TNFAIP8L1: variants seen among roughly 807,000 people sequenced by gnomAD.
The protein encoded by TNFAIP8L1 is tumor necrosis factor alpha-induced protein 8-like protein 1.
For missense variants in TNFAIP8L1, 225 were observed against 266.1 expected (o/e 0.85, Z 1.08); for synonymous variants, 127 against 125.6 (o/e 1.01, Z -0.08).
Position 4,654,341 on chromosome 19 carries a change from A to G in TNFAIP8L1, c.*1911A>G, listed in dbSNP as rs531926083. ...GGGGACCCACCTGAGATGTGTGCAC[A>G]TTTTATTTATTTATTGTTTTGAGAC... On this transcript the variant is annotated 3_prime_UTR_variant, in exon 2 of 2. Coordinates refer to ENST00000327473, the MANE Select transcript of TNFAIP8L1 (RefSeq NM_152362.3). 2.6e-5 allele frequency: 4 copies of G among 152,050 alleles called. No individual in the cohort carries two copies. Among genetic ancestry groups the G allele is most frequent in the Non-Finnish European group, 5.9e-5 (4 of 68,002 alleles). 9.4% of individuals were successfully genotyped at this position (152,050 alleles called of 1,614,324 possible). A position where few individuals can be genotyped will look rare whatever the true frequency, so the allele number is the denominator to read the frequency against.
chr19:4,652,620 A>G lies in TNFAIP8L1; in HGVS notation c.*190A>G, dbSNP rs1202675879. ...TCTGTAGCAGCTGTTTCAAACACCA[A>G]TGTCACCTCTCCTCCTGGCCCCCGC... On this transcript the variant is annotated 3_prime_UTR_variant, in exon 2 of 2. Transcript: ENST00000327473. The G allele has an allele frequency of 1.8e-5, 10 of 564,170 alleles. No individual in the cohort carries two copies. The highest frequency in any genetic ancestry group is 8.0e-5 in the African/African-American group (4 of 50,104). 34.9% of individuals were successfully genotyped at this position (564,170 alleles called of 1,614,324 possible). A position where few individuals can be genotyped will look rare whatever the true frequency, so the allele number is the denominator to read the frequency against.
chr19:4,650,030 G>A (rs1419316708), intron 1 of TNFAIP8L1, among the ~76,000 whole-genome samples: 1 of 152,176 alleles, frequency 6.6e-6, no homozygotes, highest in Non-Finnish European at 1.5e-5. Flanking sequence ...AGAGACCGGG[G>A]GCGGGTCTCA....
chr19:4,642,818 C>T (rs967589706), intron 1 of TNFAIP8L1, among the ~76,000 whole-genome samples: 4 of 151,886 alleles, frequency 2.6e-5, no homozygotes, highest in Non-Finnish European at 5.9e-5. Flanking sequence ...TGGCTTTGAC[C>T]CCAAGGGAGG....
chr19:4,644,963 C>T (rs932807499), intron 1 of TNFAIP8L1, among the ~76,000 whole-genome samples: 1 of 152,168 alleles, frequency 6.6e-6, no homozygotes, highest in Non-Finnish European at 1.5e-5. Context: ...GGGATGAGGC[C>T]TGGGATCACT....
Position 4,652,766 on chromosome 19 carries a change from T to G in TNFAIP8L1, c.*336T>G. 1 of 299,204 alleles carries G rather than the reference T, an allele frequency of 3.3e-6. No individual in the cohort carries two copies. The highest frequency in any genetic ancestry group is 6.5e-6 in the Non-Finnish European group (1 of 153,732). 18.5% of individuals were successfully genotyped at this position (299,204 alleles called of 1,614,324 possible). The stretch of plus-strand genomic sequence containing the variant: ...AAAGCCAAAAGCTGCTGCCTCCCAC[T>G]TGGATCATGTCGCCTGGGATTTTCA... On this transcript the variant is annotated 3_prime_UTR_variant, in exon 2 of 2. Coordinates refer to ENST00000327473, the MANE Select transcript of TNFAIP8L1 (RefSeq NM_152362.3).
At chr19:4,643,010 G>T (rs147776805) in intron 1 of TNFAIP8L1, among the ~76,000 whole-genome samples, 170 of 152,076 alleles carry the variant, frequency 1.1e-3, no homozygotes, top group Admixed American at 2.0e-3. Context: ...AGGCCAGGCA[G>T]GGTGGCTCAT....
At chr19:4,642,366 G>A (rs1409367900) in intron 1 of TNFAIP8L1, 2 of 151,812 alleles carry the variant, frequency 1.3e-5, no homozygotes, top group Admixed American at 6.6e-5. Flanking sequence ...CTGTAATCCA[G>A]CTACTCAGGA....
intron 1 of TNFAIP8L1, among the ~76,000 whole-genome samples, chr19:4,646,570 C>T (rs897204095): frequency 2.0e-5 from 3 of 152,054 alleles, no homozygotes; most frequent in African/African-American, 7.2e-5. Flanking sequence ...TTCCATTTTC[C>T]CCTCTTCCAG....
Position 4,645,146 on chromosome 19 carries a change from G to A in TNFAIP8L1, c.-4+5517G>A, listed in dbSNP as rs181052367. ...ATGGGACAGGGGTGGGGACGGCAGG[G>A]ACTTGTGACATAATTGCAGCCAGCT... is the stretch of plus-strand genomic sequence containing the variant. On this transcript the variant is annotated intron_variant, in intron 1 of 1. Transcript: ENST00000327473. The surrounding 1 kb of genome is among the most constrained non-coding windows in gnomAD (Gnocchi z 4.1). Among the ~76,000 whole-genome samples, 297 of 152,330 alleles carry A rather than the reference G, an allele frequency of 1.9e-3. 1 individual carries two copies. Among genetic ancestry groups the A allele is most frequent in the Admixed American group, 6.1e-3 (93 of 15,284 alleles).
rs2088398047 is a variant in TNFAIP8L1 at position 4,653,928 on chromosome 19, G to A, written c.*1498G>A. ...ACTGCACTCCAGCTTGGGTGAGAGTGGGACTCTGTCTTAGAAAGAAAAAAA... is the reference window on the plus strand; with the variant it reads ...ACTGCACTCCAGCTTGGGTGAGAGTAGGACTCTGTCTTAGAAAGAAAAAAA... On this transcript the variant is annotated 3_prime_UTR_variant, in exon 2 of 2. Transcript: ENST00000327473. 6.6e-6 allele frequency: 1 copy of A among 151,958 alleles called. No individual in the cohort carries two copies. The highest frequency in any genetic ancestry group is 2.4e-5 in the African/African-American group (1 of 41,332). The allele number at this position is 151,958 out of a possible 1,614,324, so 9.4% of individuals were successfully genotyped here.
At chr19:4,642,061 CCA>C (rs2088265734) in intron 1 of TNFAIP8L1, 1 of 152,168 alleles carries the variant, frequency 6.6e-6, no homozygotes, top group Non-Finnish European at 1.5e-5. Flanking sequence ...GCCTGTAGTC[CCA>C]GCCACTCTGG....
At position 4,639,553 on chromosome 19, in the gene TNFAIP8L1, C is replaced by G. The variant is rs1337634269; in HGVS notation, c.-80C>G. ...GGCTCCGGCGCTGCTCCCACCGCCGCGGCAACGGCCCCGGCCCACGGAGGC... is the reference window on the plus strand; with the variant it reads ...GGCTCCGGCGCTGCTCCCACCGCCGGGGCAACGGCCCCGGCCCACGGAGGC... On this transcript the variant is annotated 5_prime_UTR_variant, in exon 1 of 2. Coordinates refer to ENST00000327473, the MANE Select transcript of TNFAIP8L1 (RefSeq NM_152362.3). 5.9e-5 allele frequency: 9 copies of G among 152,374 alleles called. No individual in the cohort carries two copies. The highest frequency in any genetic ancestry group is 1.3e-4 in the Non-Finnish European group (9 of 67,888). The allele number at this position is 152,374 out of a possible 1,614,324, so 9.4% of individuals were successfully genotyped here.
chr19:4,651,299 CTGTT>C (rs1422186622), intron 1 of TNFAIP8L1, among the ~76,000 whole-genome samples: 2 of 151,766 alleles, frequency 1.3e-5, no homozygotes, highest in Non-Finnish European at 2.9e-5. Context: ...AGGGCCTTCT[CTGTT>C]TGTTTATAAT....
At position 4,652,729 on chromosome 19, in the gene TNFAIP8L1, T is replaced by C. The variant is rs2088382178; in HGVS notation, c.*299T>C. 2 of 371,468 alleles carry C rather than the reference T, an allele frequency of 5.4e-6. No homozygotes were observed. The highest frequency in any genetic ancestry group is 4.6e-5 in the Admixed American group (1 of 21,710). 23.0% of individuals were successfully genotyped at this position (371,468 alleles called of 1,614,324 possible). On this transcript the variant is annotated 3_prime_UTR_variant, in exon 2 of 2. Coordinates refer to ENST00000327473, the MANE Select transcript of TNFAIP8L1 (RefSeq NM_152362.3). Reference sequence around the variant, plus strand: ...TTTCTGGGCCACGCCGACCCCTGGGTCGCTTGATGTAAAAGCCAAAAGCTG... The same window carrying C: ...TTTCTGGGCCACGCCGACCCCTGGGCCGCTTGATGTAAAAGCCAAAAGCTG...
intron 1 of TNFAIP8L1, 32 bp from the exon 2 acceptor site, chr19:4,651,835 C>T: frequency 6.4e-7 from 1 of 1,557,616 alleles, no homozygotes; most frequent in Non-Finnish European, 8.7e-7. Flanking sequence ...CCCCAACGTG[C>T]AAAACTGAGG....
At chr19:4,647,107 C>T (rs1465149795) in intron 1 of TNFAIP8L1, among the ~76,000 whole-genome samples, 1 of 152,226 alleles carries the variant, frequency 6.6e-6, no homozygotes, top group African/African-American at 2.4e-5. Flanking sequence ...TTTATTCATT[C>T]ACCCATTAAT....
At chr19:4,643,192 T>C (rs769112937) in intron 1 of TNFAIP8L1, among the ~76,000 whole-genome samples, 1 of 150,614 alleles carries the variant, frequency 6.6e-6, no homozygotes. Context: ...GGCAGGAGAA[T>C]CACCTGAACC....
chr19:4,650,045 C>T (rs2088347925), intron 1 of TNFAIP8L1, among the ~76,000 whole-genome samples: 1 of 152,170 alleles, frequency 6.6e-6, no homozygotes, highest in Non-Finnish European at 1.5e-5. Context: ...GTCTCAGGCC[C>T]TCCCTCCTCC....
At chr19:4,646,279 C>G (rs142535559) in intron 1 of TNFAIP8L1, among the ~76,000 whole-genome samples, 5 of 151,004 alleles carry the variant, frequency 3.3e-5, no homozygotes, top group Admixed American at 6.6e-5. Flanking sequence ...CTCGCCACCA[C>G]GCCCGGCCGA....
Sources: allele counts gnomAD v4.1 joint callset (sites outside exome capture counted in the v4.1 genomes callset), GRCh38; gene constraint gnomAD v4.1.1; non-coding constraint Gnocchi (gnomAD v3.1); transcripts MANE v1.5; gene names NCBI Gene and HGNC (gene_info 2026-07-23, HGNC 2026-07-21).